GRID1: variants seen among roughly 807,000 people sequenced by gnomAD.
GRID1 encodes glutamate receptor ionotropic, delta-1.
In GRID1, 28 loss-of-function variants were observed where a neutral mutation model predicts 98.0. The observed-to-expected ratio is 0.29, with a 90% confidence interval of 0.21 to 0.39. The LOEUF is 0.39. Ranked by LOEUF, GRID1 falls within the 10% of genes least tolerant of loss-of-function variation. The pLI is 1.00. For missense variants in GRID1, 1,111 were observed against 1,340.5 expected (o/e 0.83, Z 2.67); for synonymous variants, 553 against 538.5 (o/e 1.03, Z -0.37).
At chr10:85,813,130 G>C (rs1842687467) in intron 8 of GRID1, among the ~76,000 whole-genome samples, 1 of 151,566 alleles carries the variant, frequency 6.6e-6, no homozygotes, top group Non-Finnish European at 1.5e-5. Context: ...TGCCATTGGA[G>C]CCCCAGAAGA....
At chr10:85,736,255 G>A (rs1018695988) in intron 8 of GRID1, among the ~76,000 whole-genome samples, 5 of 148,052 alleles carry the variant, frequency 3.4e-5, no homozygotes, top group African/African-American at 1.2e-4. Context: ...AAGGAGAGAA[G>A]GAAGGAAGGA....
intron 4 of GRID1, among the ~76,000 whole-genome samples, chr10:86,067,933 A>C (rs1322965648): frequency 2.6e-5 from 4 of 152,154 alleles, no homozygotes; most frequent in Admixed American, 6.5e-5. Flanking sequence ...TTTACCAGAG[A>C]GCTCTCCCTG....
chr10:85,773,501 G>C (rs571551048), intron 8 of GRID1, among the ~76,000 whole-genome samples: 1 of 152,288 alleles, frequency 6.6e-6, no homozygotes, highest in South Asian at 2.1e-4. Context: ...AGGAAATAAA[G>C]GTTATTCAAT....
chr10:86,075,727 A>G (rs1400089083), intron 4 of GRID1, among the ~76,000 whole-genome samples: 1 of 152,228 alleles, frequency 6.6e-6, no homozygotes, highest in Non-Finnish European at 1.5e-5. Context: ...GGCAAGCATG[A>G]GGCACATGGC....
chr10:85,935,584 C>A (rs1841915835), intron 4 of GRID1, among the ~76,000 whole-genome samples: 2 of 152,264 alleles, frequency 1.3e-5, no homozygotes, highest in South Asian at 4.1e-4. Flanking sequence ...ACAGCTCAGC[C>A]CCTCTGTACA....
At chr10:85,904,936 T>C (rs1483821304) in intron 5 of GRID1, among the ~76,000 whole-genome samples, 3 of 151,728 alleles carry the variant, frequency 2.0e-5, no homozygotes, top group South Asian at 2.1e-4. Context: ...TATTAGAAAA[T>C]ATAAAAGATT....
At chr10:85,883,593 T>C (rs1323743514) in intron 5 of GRID1, among the ~76,000 whole-genome samples, 1 of 151,944 alleles carries the variant, frequency 6.6e-6, no homozygotes, top group Non-Finnish European at 1.5e-5. Flanking sequence ...CCTTGTTTTT[T>C]TCCGTCATGT....
At chr10:85,775,460 A>G (rs1184614242) in intron 8 of GRID1, among the ~76,000 whole-genome samples, 4 of 152,256 alleles carry the variant, frequency 2.6e-5, no homozygotes. Context: ...CATGTACCCT[A>G]AAATCTTAAA....
At chr10:86,289,526 T>C (rs2814363) in intron 2 of GRID1, among the ~76,000 whole-genome samples, 119,151 of 150,280 alleles carry the variant, frequency 0.79, 49,154 homozygotes, top group Non-Finnish European at 0.91. Flanking sequence ...TGCCCCCAAC[T>C]GCCCCGTGCC....
At chr10:85,900,367 G>T (rs1841364467) in intron 5 of GRID1, among the ~76,000 whole-genome samples, 1 of 152,240 alleles carries the variant, frequency 6.6e-6, no homozygotes, top group South Asian at 2.1e-4. Context: ...CAAGCAGCAA[G>T]TTCATCTGAA....
intron 12 of GRID1, among the ~76,000 whole-genome samples, chr10:85,665,716 G>A (rs1841012054): frequency 6.6e-6 from 1 of 152,122 alleles, no homozygotes; most frequent in African/African-American, 2.4e-5. Context: ...AAGGAAAATG[G>A]TGCAAAACAC....
chr10:86,066,566 A>T (rs1564664635), intron 4 of GRID1, among the ~76,000 whole-genome samples: 1 of 152,196 alleles, frequency 6.6e-6, no homozygotes, highest in African/African-American at 2.4e-5. Flanking sequence ...TCTGCCCATC[A>T]TGCTATGGAA....
chr10:85,959,888 A>C (rs905958848), intron 4 of GRID1, among the ~76,000 whole-genome samples: 1 of 147,376 alleles, frequency 6.8e-6, no homozygotes, highest in Non-Finnish European at 1.5e-5. Context: ...CTTTTGGGTA[A>C]TTTTTTTTTT....
intron 4 of GRID1, among the ~76,000 whole-genome samples, chr10:85,964,309 C>A (rs1233416199): frequency 1.3e-5 from 2 of 151,940 alleles, no homozygotes; most frequent in Non-Finnish European, 1.5e-5. Context: ...TCATATGGAA[C>A]CAAAAAAGAG....
chr10:85,745,801 AAG>A (rs1841991191), intron 8 of GRID1, among the ~76,000 whole-genome samples: 1 of 152,148 alleles, frequency 6.6e-6, no homozygotes, highest in Admixed American at 6.5e-5. Context: ...AATGCAGAAT[AAG>A]AGAGACATTT....
chr10:85,735,525 T>C (rs1030301359), intron 8 of GRID1, among the ~76,000 whole-genome samples: 1 of 152,154 alleles, frequency 6.6e-6, no homozygotes, highest in African/African-American at 2.4e-5. Context: ...TTAGTGTTTC[T>C]GAGTTGTAAG....
intron 6 of GRID1, among the ~76,000 whole-genome samples, chr10:85,865,942 T>TATATATATATATATATATATATATATAC (rs1199144734): frequency 1.1e-5 from 1 of 94,874 alleles, no homozygotes; most frequent in African/African-American, 4.0e-5. Flanking sequence ...TATATATATA[T>TATATATATATATATATATATATATATAC]ACACATATAT....
intron 8 of GRID1, among the ~76,000 whole-genome samples, chr10:85,762,191 C>A (rs1201398310): frequency 1.3e-5 from 2 of 152,178 alleles, no homozygotes; most frequent in East Asian, 3.9e-4. Flanking sequence ...CCACTGTCTC[C>A]TGGGTGTGCA....
intron 13 of GRID1, among the ~76,000 whole-genome samples, chr10:85,628,302 T>C (rs1392453163): frequency 6.6e-6 from 1 of 151,828 alleles, no homozygotes; most frequent in Non-Finnish European, 1.5e-5. Context: ...ATTATGTGAG[T>C]GTGTACATGT....
Sources: gnomAD v4.1 joint callset for allele counts (sites outside exome capture counted in the v4.1 genomes callset) on GRCh38, gnomAD v4.1.1 for gene constraint, MANE v1.5 for transcripts, NCBI Gene and HGNC (gene_info 2026-07-23, HGNC 2026-07-21) for gene names.